EBF2: variants seen among roughly 807,000 people sequenced by gnomAD.
The protein encoded by EBF2 is transcription factor COE2.
EBF2 carries 21 observed loss-of-function variants against 72.8 expected under a neutral mutation model. The observed-to-expected ratio is 0.29, with a 90% CI of 0.20 to 0.42. EBF2 has a LOEUF of 0.42. EBF2 is among the 10% of genes least tolerant of loss of function. The pLI is 1.00. For missense variants in EBF2, 637 were observed against 731.2 expected, an observed-to-expected ratio of 0.87 and a Z score of 1.49; for synonymous variants, 299 against 274.2, an observed-to-expected ratio of 1.09 and a Z score of -0.89.
At chr8:26,023,575 T>C (rs1805237773) in intron 6 of EBF2, among the ~76,000 whole-genome samples, 1 of 152,180 alleles carries the variant, frequency 6.6e-6, no homozygotes, top group African/African-American at 2.4e-5. Context: ...TTCTCCCTCT[T>C]TTCTAAAGAA....
At chr8:25,935,443 C>T (rs939949420) in intron 6 of EBF2, among the ~76,000 whole-genome samples, 2 of 152,140 alleles carry the variant, frequency 1.3e-5, no homozygotes, top group Non-Finnish European at 2.9e-5. Context: ...GGAATGCCAG[C>T]GGCAGTGGCT....
At chr8:25,992,403 G>C (rs1219692522) in intron 6 of EBF2, among the ~76,000 whole-genome samples, 4 of 151,284 alleles carry the variant, frequency 2.6e-5, no homozygotes, top group African/African-American at 9.7e-5. Flanking sequence ...GCCAGGAGTG[G>C]AGAAAGTCTT....
chr8:25,891,039 G>T (rs151086970), intron 7 of EBF2, among the ~76,000 whole-genome samples: 2 of 152,338 alleles, frequency 1.3e-5, no homozygotes, highest in South Asian at 4.1e-4. Context: ...CTAAGCTCGG[G>T]GGGAGGTCCT....
intron 6 of EBF2, among the ~76,000 whole-genome samples, chr8:26,013,787 A>G (rs1425400692): frequency 1.3e-5 from 2 of 152,202 alleles, no homozygotes; most frequent in South Asian, 4.1e-4. Context: ...GAAATCAGAC[A>G]GTGTAAAATT....
chr8:25,850,506 G>T (rs1801941764), intron 15 of EBF2, 88 bp downstream of exon 15: 1 of 1,377,658 alleles, frequency 7.3e-7, no homozygotes, highest in Non-Finnish European at 9.6e-7. Context: ...CAGGTAAATG[G>T]CTGGAGCTAT....
chr8:25,882,248 C>G (rs1292773823), intron 10 of EBF2, among the ~76,000 whole-genome samples: 1 of 152,208 alleles, frequency 6.6e-6, no homozygotes, highest in Non-Finnish European at 1.5e-5. Context: ...GAGGTCTGAA[C>G]AGTGAGGCAC....
chr8:25,889,493 C>T (rs902910025), intron 8 of EBF2, among the ~76,000 whole-genome samples: 18 of 152,064 alleles, frequency 1.2e-4, no homozygotes, highest in Admixed American at 7.9e-4. Context: ...GCCTGAAATG[C>T]CCGTCTCACA....
intron 6 of EBF2, among the ~76,000 whole-genome samples, chr8:26,030,122 G>C (rs941643041): frequency 7.2e-5 from 11 of 152,084 alleles, no homozygotes; most frequent in African/African-American, 2.4e-4. Flanking sequence ...ATGGTGCTCA[G>C]GTTGCTTCAT....
At chr8:25,979,881 A>G (rs867767438) in intron 6 of EBF2, among the ~76,000 whole-genome samples, 1 of 152,302 alleles carries the variant, frequency 6.6e-6, no homozygotes, top group Non-Finnish European at 1.5e-5. Context: ...TTATTAAACA[A>G]TAACACCCAC....
At chr8:26,011,424 A>G (rs1197596132) in intron 6 of EBF2, among the ~76,000 whole-genome samples, 3 of 149,328 alleles carry the variant, frequency 2.0e-5, no homozygotes, top group African/African-American at 7.4e-5. Context: ...TGCTGTCCTC[A>G]CCTATTGGAT....
At chr8:25,937,723 T>C (rs551979500) in intron 6 of EBF2, among the ~76,000 whole-genome samples, 21 of 152,352 alleles carry the variant, frequency 1.4e-4, no homozygotes, top group African/African-American at 5.0e-4. Context: ...CAGTTTGGCA[T>C]TCTGAGTGGC....
chr8:25,928,151 T>C (rs1585198263), intron 6 of EBF2, among the ~76,000 whole-genome samples: 1 of 152,152 alleles, frequency 6.6e-6, no homozygotes, highest in African/African-American at 2.4e-5. Flanking sequence ...AAAAGGTTTT[T>C]TTTAGGTTGA....
chr8:25,851,792 T>C lies in EBF2; in HGVS notation c.1529-1031A>G, dbSNP rs146746960. Among the ~76,000 whole-genome samples the C allele has an allele frequency of 1.7e-3, 264 of 152,268 alleles. 1 individual carries two copies. Among genetic ancestry groups the C allele is most frequent in the African/African-American group, 6.1e-3 (255 of 41,546 alleles). On this transcript the variant is annotated intron_variant, in intron 14 of 15. Transcript: ENST00000520164. Reference sequence around the variant, plus strand: ...TCAATGGACCACCTGTCCTTCAAAGTAAATTCGAAAGTGAGGACAAGGGCG... The same window carrying C: ...TCAATGGACCACCTGTCCTTCAAAGCAAATTCGAAAGTGAGGACAAGGGCG...
At chr8:25,998,669 A>G (rs989873312) in intron 6 of EBF2, among the ~76,000 whole-genome samples, 20 of 152,194 alleles carry the variant, frequency 1.3e-4, no homozygotes, top group African/African-American at 4.8e-4. Flanking sequence ...GTGTCTGAGT[A>G]TTACCAGGGC....
In EBF2 at chr8:25,960,021, C is replaced by T. The variant is rs1380469193; in HGVS notation, c.552-51466G>A. Reference sequence around the variant, plus strand: ...CTATTCACCTTTCCTGGGTTCTGGTCGGGTGAACTTTGAGTGTGTCTATTT... The same window carrying T: ...CTATTCACCTTTCCTGGGTTCTGGTTGGGTGAACTTTGAGTGTGTCTATTT... On this transcript the variant is annotated intron_variant, in intron 6 of 15. Transcript: ENST00000520164. Among the ~76,000 whole-genome samples the T allele has an allele frequency of 2.0e-5, 3 of 152,134 alleles. No individual in the cohort carries two copies. In the East Asian group the frequency reaches 5.8e-4, roughly 29 times the overall value.
chr8:25,855,671 C>T (rs1802075655), intron 14 of EBF2, among the ~76,000 whole-genome samples: 1 of 152,070 alleles, frequency 6.6e-6, no homozygotes. Flanking sequence ...TTGTATTTCC[C>T]AGAGAAGTAA....
At chr8:25,980,208 T>G (rs1183501770) in intron 6 of EBF2, among the ~76,000 whole-genome samples, 1 of 152,164 alleles carries the variant, frequency 6.6e-6, no homozygotes, top group Non-Finnish European at 1.5e-5. Flanking sequence ...GTGAACCTTA[T>G]TTGTTGCTCT....
At chr8:26,023,325 G>A (rs1254264803) in intron 6 of EBF2, among the ~76,000 whole-genome samples, 1 of 152,174 alleles carries the variant, frequency 6.6e-6, no homozygotes, top group African/African-American at 2.4e-5. Flanking sequence ...TTCCAGCACA[G>A]CACAATTTTA....
intron 6 of EBF2, among the ~76,000 whole-genome samples, chr8:25,947,299 C>T (rs949836571): frequency 6.6e-6 from 1 of 152,180 alleles, no homozygotes; most frequent in African/African-American, 2.4e-5. Context: ...GCTTTCTTCC[C>T]TGCTGACATG....
Sources: allele counts gnomAD v4.1 joint callset (sites outside exome capture counted in the v4.1 genomes callset), GRCh38; gene constraint gnomAD v4.1.1; transcripts MANE v1.5; gene names NCBI Gene and HGNC (gene_info 2026-07-23, HGNC 2026-07-21).